MAF: variants seen among roughly 807,000 people sequenced by gnomAD.
MAF encodes the protein transcription factor Maf.
In MAF, 10 loss-of-function variants were observed where a neutral mutation model predicts 22.0. The ratio of observed to expected loss-of-function variants is 0.45; its 90% confidence interval spans 0.28 to 0.77. MAF has a LOEUF of 0.77. Ranked by LOEUF, MAF falls within the 30% of genes least tolerant of loss-of-function variation. The pLI, the probability that MAF is intolerant of heterozygous loss-of-function variation, is 0.12. For synonymous variants in MAF, 337 were observed against 255.8 expected, an observed-to-expected ratio of 1.32 and a Z score of -3.03; for missense variants, 544 against 548.4, an observed-to-expected ratio of 0.99 and a Z score of 0.08.
chr16:79,239,355 C>T, the MAF span, among the ~76,000 whole-genome samples: 1 of 151,916 alleles, frequency 6.6e-6, no homozygotes. Flanking sequence ...TGGGACAGTC[C>T]ACGCTGAAAC....
At chr16:79,242,732 C>T in the MAF span, among the ~76,000 whole-genome samples, 1 of 152,034 alleles carries the variant, frequency 6.6e-6, no homozygotes, top group Admixed American at 6.6e-5. Flanking sequence ...ACTCTCCACC[C>T]CAAATCAACA....
At chr16:79,507,715 G>A in the MAF span, among the ~76,000 whole-genome samples, 84 of 152,258 alleles carry the variant, frequency 5.5e-4, no homozygotes, top group African/African-American at 1.6e-3. Flanking sequence ...GTGAGCCACC[G>A]CGCCCGGCCG....
chr16:79,581,245 C>A (rs533949669), downstream of MAF, among the ~76,000 whole-genome samples: 1 of 152,044 alleles, frequency 6.6e-6, no homozygotes, highest in Non-Finnish European at 1.5e-5. Context: ...CAGTAAGAGA[C>A]CCTCATGTTC....
the MAF span, among the ~76,000 whole-genome samples, chr16:79,425,521 T>C: frequency 6.6e-6 from 1 of 152,232 alleles, no homozygotes; most frequent in East Asian, 1.9e-4. Context: ...AAAGTTCTTC[T>C]TTCTTTTCTC....
chr16:79,530,095 T>C, the MAF span, among the ~76,000 whole-genome samples: 1 of 152,172 alleles, frequency 6.6e-6, no homozygotes, highest in East Asian at 1.9e-4. Context: ...TAGCCCCAAG[T>C]GAGGGCCAAA....
At chr16:79,208,871 G>A in the MAF span, among the ~76,000 whole-genome samples, 3 of 152,160 alleles carry the variant, frequency 2.0e-5, no homozygotes, top group African/African-American at 4.8e-5. Context: ...GGTGTGGTGT[G>A]TATGGGACCA....
At position 79,586,187 on chromosome 16, in the gene MAF, C is replaced by A. The variant is rs149682363; in HGVS notation, c.1119-246G>T. 8.1e-3 allele frequency among the ~76,000 whole-genome samples: 1,228 copies of A among 152,324 alleles called. 7 individuals carry two copies. The highest frequency in any genetic ancestry group is 0.024 in the Middle Eastern group (7 of 294). On this transcript the variant is annotated intron_variant, in intron 1 of 1. Transcript: ENST00000569649. ...CTCCCTCTGAACTACTGTTTCTCAA[C>A]TGAGAGGCTGAGATAGCCATAACCC...
the MAF span, among the ~76,000 whole-genome samples, chr16:79,393,670 C>T: frequency 6.6e-6 from 1 of 152,098 alleles, no homozygotes; most frequent in African/African-American, 2.4e-5. Flanking sequence ...GAAAGGTGGT[C>T]CATGCAGAGG....
chr16:79,521,509 C>T, the MAF span, among the ~76,000 whole-genome samples: 2 of 152,204 alleles, frequency 1.3e-5, no homozygotes, highest in South Asian at 2.1e-4. Flanking sequence ...TGGTGGACTT[C>T]GGAATTCTAA....
chr16:79,593,777 ATT>A (rs11307570), downstream of MAF: 53 of 172,898 alleles, frequency 3.1e-4, no homozygotes, highest in African/African-American at 4.8e-4. Flanking sequence ...AAAGGAGGTG[ATT>A]TTTTTTTTTT....
the MAF span, among the ~76,000 whole-genome samples, chr16:79,245,313 A>G: frequency 5.3e-5 from 8 of 152,154 alleles, no homozygotes; most frequent in East Asian, 1.2e-3. Context: ...TTTGCAATCT[A>G]TCCATCTGAC....
At chr16:79,531,326 C>G in the MAF span, among the ~76,000 whole-genome samples, 3 of 152,148 alleles carry the variant, frequency 2.0e-5, no homozygotes, top group African/African-American at 7.2e-5. Flanking sequence ...TTCTCTAGAG[C>G]AGCACTCCCC....
the MAF span, among the ~76,000 whole-genome samples, chr16:79,474,377 A>C: frequency 6.6e-6 from 1 of 152,222 alleles, no homozygotes; most frequent in African/African-American, 2.4e-5. Context: ...ACATATTTCT[A>C]TCCCTCATAT....
chr16:79,448,079 A>G, the MAF span, among the ~76,000 whole-genome samples: 1 of 152,154 alleles, frequency 6.6e-6, no homozygotes, highest in South Asian at 2.1e-4. Context: ...AGAATATTCC[A>G]TACACTTAGT....
At chr16:79,580,375 C>T in the MAF span, among the ~76,000 whole-genome samples, 1 of 152,182 alleles carries the variant, frequency 6.6e-6, no homozygotes, top group Non-Finnish European at 1.5e-5. Flanking sequence ...ACGGTTCCCC[C>T]AAACTGCACA....
At chr16:79,585,700 C>A (rs1912795172), downstream of MAF, 2 of 543,638 alleles carry the variant, frequency 3.7e-6, no homozygotes, top group East Asian at 6.1e-5. Context: ...CACCTAGTGT[C>A]ACCATTTACA....
chr16:79,596,795 A>C (rs1199519406), intron 1 of MAF: 1 of 1,048,118 alleles, frequency 9.5e-7, no homozygotes, highest in Non-Finnish European at 1.2e-6. Flanking sequence ...CCACAATACA[A>C]CTGTAAAAAA....
the MAF span, among the ~76,000 whole-genome samples, chr16:79,401,077 G>T: frequency 6.6e-6 from 1 of 152,166 alleles, no homozygotes; most frequent in Admixed American, 6.5e-5. Flanking sequence ...CGGCTCCCTT[G>T]GGGCTTTGAA....
chr16:79,304,642 G>C, the MAF span, among the ~76,000 whole-genome samples: 1 of 152,138 alleles, frequency 6.6e-6, no homozygotes, highest in African/African-American at 2.4e-5. Flanking sequence ...ATGAAAAATG[G>C]TGGTGGGAGT....
Sources: allele counts gnomAD v4.1 joint callset (sites outside exome capture counted in the v4.1 genomes callset), GRCh38; gene constraint gnomAD v4.1.1; transcripts MANE v1.5; gene names NCBI Gene and HGNC (gene_info 2026-07-23, HGNC 2026-07-21).